Variants in ALK observed in about 807,000 individuals in gnomAD.
ALK encodes the protein ALK tyrosine kinase receptor.
Under a neutral mutation model 163.1 loss-of-function variants are expected in ALK, and 74 were observed. The ratio of observed to expected loss-of-function variants is 0.45; its 90% CI spans 0.38 to 0.55. ALK has a LOEUF of 0.55. Among genes scored for constraint, ALK ranks in the 20% least tolerant of loss-of-function variants. The pLI, the probability that ALK is intolerant of heterozygous loss-of-function variation, is 0.00. For synonymous variants in ALK, 960 were observed against 843.2 expected, an observed-to-expected ratio of 1.14 and a Z score of -2.40; for missense variants, 2,063 against 2,105.3, an observed-to-expected ratio of 0.98 and a Z score of 0.39.
At chr2:29,727,082 G>T (rs1183936026) in intron 1 of ALK, among the ~76,000 whole-genome samples, 3 of 152,316 alleles carry the variant, frequency 2.0e-5, no homozygotes, top group Non-Finnish European at 4.4e-5. Flanking sequence ...ATCCCTTTGG[G>T]TCAACCAGGA....
intron 1 of ALK, among the ~76,000 whole-genome samples, chr2:29,826,476 G>A (rs1665203767): frequency 6.6e-6 from 1 of 151,630 alleles, no homozygotes; most frequent in African/African-American, 2.4e-5. Flanking sequence ...ACAATCTTAG[G>A]TCTTTACCAG....
chr2:29,634,335 T>G (rs79370490), intron 3 of ALK, among the ~76,000 whole-genome samples: 2,654 of 152,112 alleles, frequency 0.017, 78 homozygotes, highest in African/African-American at 0.061. Context: ...AAAGCAAAAC[T>G]CCAAATCAAT....
At chr2:29,457,723 G>C (rs1338964355) in intron 4 of ALK, among the ~76,000 whole-genome samples, 1 of 152,076 alleles carries the variant, frequency 6.6e-6, no homozygotes, top group Non-Finnish European at 1.5e-5. Context: ...GGTTTATCAA[G>C]AGTCTACTAT....
intron 4 of ALK, among the ~76,000 whole-genome samples, chr2:29,475,765 C>G (rs1446014853): frequency 1.3e-5 from 2 of 152,180 alleles, no homozygotes; most frequent in Admixed American, 1.3e-4. Flanking sequence ...ACTGAGTGAA[C>G]AGCGCTGAGG....
chr2:29,567,117 T>G (rs554206418), intron 3 of ALK, among the ~76,000 whole-genome samples: 1 of 152,216 alleles, frequency 6.6e-6, no homozygotes, highest in Non-Finnish European at 1.5e-5. Flanking sequence ...TGGTGCTCTA[T>G]GTAAATGAAG....
intron 2 of ALK, among the ~76,000 whole-genome samples, chr2:29,713,984 G>A (rs1440735973): frequency 2.6e-5 from 4 of 151,976 alleles, no homozygotes; most frequent in Non-Finnish European, 5.9e-5. Flanking sequence ...GATACCATCT[G>A]TCTCTGTGGC....
chr2:29,308,608 AAGCTTTCGTATC>A (rs1294495797), intron 8 of ALK, among the ~76,000 whole-genome samples: 1 of 152,244 alleles, frequency 6.6e-6, no homozygotes, highest in Non-Finnish European at 1.5e-5. Flanking sequence ...AACGGAACGC[AAGCTTTCGTATC>A]AGAAAGAATG....
intron 1 of ALK, among the ~76,000 whole-genome samples, chr2:29,779,704 T>C (rs888383547): frequency 6.6e-6 from 1 of 152,200 alleles, no homozygotes; most frequent in Non-Finnish European, 1.5e-5. Flanking sequence ...ACACAGTTGT[T>C]AGAATAAAGA....
At chr2:29,478,244 TA>T (rs1671574566) in intron 4 of ALK, among the ~76,000 whole-genome samples, 1 of 152,226 alleles carries the variant, frequency 6.6e-6, no homozygotes. Flanking sequence ...CTCTCATCTC[TA>T]GGGGGAGGAC....
chr2:29,485,113 T>A (rs758906332), intron 4 of ALK, among the ~76,000 whole-genome samples: 4 of 152,206 alleles, frequency 2.6e-5, no homozygotes, highest in Non-Finnish European at 5.9e-5. Flanking sequence ...TTTTCCCAAG[T>A]ATTGATCCTC....
At chr2:29,231,092 C>T (rs1664190123) in intron 15 of ALK, among the ~76,000 whole-genome samples, 1 of 152,088 alleles carries the variant, frequency 6.6e-6, no homozygotes, top group African/African-American at 2.4e-5. Context: ...AATCCCAGCA[C>T]TTTGGGAGGC....
intron 4 of ALK, among the ~76,000 whole-genome samples, chr2:29,474,076 A>G (rs1671442223): frequency 6.6e-6 from 1 of 152,216 alleles, no homozygotes; most frequent in African/African-American, 2.4e-5. Flanking sequence ...GTAAACATCC[A>G]AAAGAAATGT....
At chr2:29,664,858 A>C (rs1677461395) in intron 3 of ALK, among the ~76,000 whole-genome samples, 1 of 152,108 alleles carries the variant, frequency 6.6e-6, no homozygotes, top group Non-Finnish European at 1.5e-5. Flanking sequence ...ATAGTCTTCC[A>C]TATCACTTAC....
At chr2:29,571,846 C>A (rs1309511798) in intron 3 of ALK, among the ~76,000 whole-genome samples, 1 of 152,016 alleles carries the variant, frequency 6.6e-6, no homozygotes, top group Non-Finnish European at 1.5e-5. Flanking sequence ...GAACTCCTGA[C>A]CTCGTGATCC....
chr2:29,770,386 A>G (rs1171560847), intron 1 of ALK, among the ~76,000 whole-genome samples: 2 of 152,212 alleles, frequency 1.3e-5, no homozygotes, highest in African/African-American at 4.8e-5. Context: ...CCCTACACTG[A>G]AGCCTACAGA....
rs564472478 is a variant in ALK, at chr2:29,762,425, G to T, written c.668-44728C>A. Among the ~76,000 whole-genome samples, 5 of 152,296 alleles carry T rather than the reference G, an allele frequency of 3.3e-5. No homozygotes were observed. In the East Asian group the frequency reaches 7.7e-4, roughly 23 times the overall value. On this transcript the variant is annotated intron_variant, in intron 1 of 28. Transcript: ENST00000389048. ...ATAACTAATCCATTACAGAGGGGAG[G>T]TTATTTTAATAGCTGCGCAGAGGGT...
At chr2:29,252,784 C>CA (rs1664853207) in intron 11 of ALK, among the ~76,000 whole-genome samples, 1 of 151,486 alleles carries the variant, frequency 6.6e-6, no homozygotes, top group South Asian at 2.1e-4. Context: ...GTAATGGAGC[C>CA]ATTCACTTTG....
chr2:29,403,600 GC>G (rs996079470), intron 4 of ALK, among the ~76,000 whole-genome samples: 2 of 150,948 alleles, frequency 1.3e-5, no homozygotes, highest in East Asian at 1.9e-4. Flanking sequence ...GGGGGCGCTG[GC>G]ATGCTTGTTC....
intron 3 of ALK, among the ~76,000 whole-genome samples, chr2:29,639,814 T>G (rs376230811): frequency 1.3e-5 from 2 of 152,150 alleles, no homozygotes; most frequent in South Asian, 4.1e-4. Context: ...TGTCTTTACA[T>G]AGGGAACAGG....
Sources: gnomAD v4.1 joint callset for allele counts (sites outside exome capture counted in the v4.1 genomes callset) on GRCh38, gnomAD v4.1.1 for gene constraint, MANE v1.5 for transcripts, NCBI Gene and HGNC (gene_info 2026-07-23, HGNC 2026-07-21) for gene names.